Variants in ME1 observed in about 807,000 individuals in gnomAD.
ME1 encodes malic enzyme 1.
ME1 carries 74 observed loss-of-function variants against 66.4 expected under a neutral mutation model. The ratio of observed to expected loss-of-function variants is 1.11; its 90% CI spans 0.92 to 1.35. The LOEUF (loss-of-function observed/expected upper bound fraction) is 1.35. ME1 is among the 40% of genes most tolerant of loss of function. The pLI, the probability that ME1 is intolerant of heterozygous loss-of-function variation, is 0.00. For missense variants in ME1, 750 were observed against 694.1 expected (o/e 1.08, Z -0.90); for synonymous variants, 251 against 235.6 (o/e 1.07, Z -0.60).
rs146307629 is a variant in ME1 at position 83,378,481 on chromosome 6, C to G, written c.362+19886G>C. On this transcript the variant is annotated intron_variant, in intron 3 of 13. Transcript: ENST00000369705. ...CTTGGTATTTTTTTCTCATATAGAC[C>G]CTGACAAAAACTAGATACAATGAAA... 6.6e-3 allele frequency among the ~76,000 whole-genome samples: 1,000 copies of G among 151,656 alleles called. 11 individuals are homozygous for G. The highest frequency in any genetic ancestry group is 0.023 in the African/African-American group (948 of 41,314).
At chr6:83,409,208 G>A (rs932951365) in intron 1 of ME1, among the ~76,000 whole-genome samples, 3 of 152,148 alleles carry the variant, frequency 2.0e-5, no homozygotes, top group African/African-American at 7.2e-5. Context: ...TTGCTTATAA[G>A]CCAGCCAGTA....
intron 6 of ME1, among the ~76,000 whole-genome samples, chr6:83,307,661 G>C (rs962222493): frequency 1.7e-4 from 26 of 151,954 alleles, no homozygotes; most frequent in African/African-American, 5.6e-4. Context: ...GATTAGAACA[G>C]GTAGAAAAAG....
chr6:83,282,905 T>A (rs1276118822), intron 6 of ME1, among the ~76,000 whole-genome samples: 2 of 152,030 alleles, frequency 1.3e-5, no homozygotes, highest in Admixed American at 6.5e-5. Context: ...GTGGCACATA[T>A]ACAACATGGA....
At chr6:83,251,592 A>G (rs963794051) in intron 7 of ME1, among the ~76,000 whole-genome samples, 9 of 152,188 alleles carry the variant, frequency 5.9e-5, no homozygotes, top group Non-Finnish European at 1.3e-4. Context: ...ATTGACCCAG[A>G]CCCAGAAATT....
intron 3 of ME1, among the ~76,000 whole-genome samples, chr6:83,385,168 A>G (rs1273697792): frequency 6.6e-6 from 1 of 151,842 alleles, no homozygotes; most frequent in East Asian, 1.9e-4. Context: ...ACACTTCAAA[A>G]CCATGGTATG....
At chr6:83,367,485 T>A (rs1445286810) in intron 3 of ME1, among the ~76,000 whole-genome samples, 1 of 152,174 alleles carries the variant, frequency 6.6e-6, no homozygotes, top group Admixed American at 6.5e-5. Context: ...CCATTGAAAA[T>A]CTGTTGTTTA....
At chr6:83,364,631 C>A (rs1373356551) in intron 3 of ME1, among the ~76,000 whole-genome samples, 1 of 152,208 alleles carries the variant, frequency 6.6e-6, no homozygotes, top group South Asian at 2.1e-4. Flanking sequence ...TGCTTCCAGG[C>A]CAACCCAATG....
At chr6:83,236,001 T>G (rs1012357658) in intron 9 of ME1, among the ~76,000 whole-genome samples, 2 of 152,114 alleles carry the variant, frequency 1.3e-5, no homozygotes, top group Non-Finnish European at 2.9e-5. Flanking sequence ...AATATGCATT[T>G]GATATATTTC....
intron 7 of ME1, among the ~76,000 whole-genome samples, chr6:83,250,736 T>C (rs1022374155): frequency 6.6e-5 from 10 of 152,234 alleles, no homozygotes; most frequent in African/African-American, 2.4e-4. Flanking sequence ...GTGTGAATAA[T>C]CTTTCCAAAT....
intron 12 of ME1, among the ~76,000 whole-genome samples, chr6:83,220,988 G>A (rs1234449330): frequency 2.0e-5 from 3 of 151,952 alleles, no homozygotes; most frequent in African/African-American, 7.3e-5. Flanking sequence ...GTGAAACCCC[G>A]TCTCTACTAA....
intron 5 of ME1, among the ~76,000 whole-genome samples, chr6:83,344,832 G>C (rs1768657843): frequency 6.6e-6 from 1 of 151,538 alleles, no homozygotes; most frequent in Non-Finnish European, 1.5e-5. Flanking sequence ...GCAGTGAGCG[G>C]AGATCAGCCA....
chr6:83,243,689 AATTAT>A (rs1178569083), intron 7 of ME1, among the ~76,000 whole-genome samples: 2 of 130,186 alleles, frequency 1.5e-5, no homozygotes, highest in Non-Finnish European at 3.1e-5. Flanking sequence ...AATCTATTAT[AATTAT>A]ATTATATTGA....
intron 5 of ME1, among the ~76,000 whole-genome samples, chr6:83,323,287 C>T (rs1768216466): frequency 6.6e-6 from 1 of 152,060 alleles, no homozygotes; most frequent in Admixed American, 6.6e-5. Context: ...ATGACAGGAG[C>T]AAATTCAAAC....
At chr6:83,287,368 T>G in intron 6 of ME1, among the ~76,000 whole-genome samples, 1 of 152,208 alleles carries the variant, frequency 6.6e-6, no homozygotes, top group East Asian at 1.9e-4. Context: ...GTGCTCCCAT[T>G]GTTCAACTCC....
chr6:83,340,976 G>A (rs1768568907), intron 5 of ME1, among the ~76,000 whole-genome samples: 1 of 151,854 alleles, frequency 6.6e-6, no homozygotes, highest in South Asian at 2.1e-4. Context: ...TTTGAATAAG[G>A]GCCTAATCCT....
chr6:83,225,268 T>C (rs1405871770), intron 11 of ME1, among the ~76,000 whole-genome samples: 1 of 150,648 alleles, frequency 6.6e-6, no homozygotes, highest in Non-Finnish European at 1.5e-5. Flanking sequence ...GCATTTCATA[T>C]TGCTAATCAA....
intron 2 of ME1, among the ~76,000 whole-genome samples, chr6:83,402,260 CA>C (rs950552493): frequency 1.3e-5 from 2 of 152,060 alleles, no homozygotes; most frequent in African/African-American, 4.8e-5. Context: ...AATCAGTGTC[CA>C]AAAAAATGGT....
rs182428044 is a variant in ME1 at position 83,413,534 on chromosome 6, G to A, written c.79-5633C>T. 1.5e-3 allele frequency among the ~76,000 whole-genome samples: 229 copies of A among 151,658 alleles called. 1 individual carries two copies. Among genetic ancestry groups the A allele is most frequent in the African/African-American group, 5.3e-3 (219 of 41,356 alleles). ...GAATTAATTTTAATGCTAATTTGGG[G>A]GAGAAAATTATTTATATATAAAGAG... On this transcript the variant is annotated intron_variant, in intron 1 of 13. Transcript: ENST00000369705.
chr6:83,346,292 C>A lies in ME1; in HGVS notation c.481G>T (p.Asp161Tyr). The change falls in exon 5 of 14, where the codon GAC becomes TAC. Residue 161 changes from aspartate to tyrosine, a missense_variant. By Grantham distance (160) the Asp-to-Tyr change is radical. Coordinates refer to ENST00000369705, the MANE Select transcript of ME1 (RefSeq NM_002395.6). ...TDGERILGLGDLGCNGMGIPV... is the reference protein window; with the variant it reads ...TDGERILGLGYLGCNGMGIPV... ...ATGCCCATTCCATTACAGCCAAGGT[C>A]TCCCAAGCCAAGAATACGCTCTCCA... is the stretch of plus-strand genomic sequence containing the variant. 1 of 1,612,722 alleles carries A rather than the reference C, an allele frequency of 6.2e-7. No individual in the cohort carries two copies. Among genetic ancestry groups the A allele is most frequent in the Non-Finnish European group, 8.5e-7 (1 of 1,179,176 alleles).
Sources: gnomAD v4.1 joint callset for allele counts (sites outside exome capture counted in the v4.1 genomes callset) on GRCh38, gnomAD v4.1.1 for gene constraint, MANE v1.5 for transcripts, NCBI Gene and HGNC (gene_info 2026-07-23, HGNC 2026-07-21) for gene names.